The following LRIG1 variants were observed in gnomAD, a reference collection of about 807,000 sequenced individuals.
LRIG1 encodes leucine rich repeats and immunoglobulin like domains 1.
In LRIG1, 48 loss-of-function variants were observed where a neutral mutation model predicts 99.2. The observed-to-expected ratio is 0.48, with a 90% CI of 0.38 to 0.62. The LOEUF is 0.62. Ranked by LOEUF, LRIG1 falls within the 20% of genes least tolerant of loss-of-function variation. LRIG1 has a pLI of 0.00. For missense variants in LRIG1, 1,646 were observed against 1,434.4 expected (o/e 1.15, Z -2.38); for synonymous variants, 772 against 596.1 (o/e 1.29, Z -4.30).
chr3:66,464,194 T>C (rs905179892), intron 1 of LRIG1, among the ~76,000 whole-genome samples: 12 of 152,234 alleles, frequency 7.9e-5, no homozygotes, highest in African/African-American at 2.9e-4. Flanking sequence ...TTTCTGGGTG[T>C]AAAGATACTG....
In LRIG1 at chr3:66,403,998, G is replaced by C. The variant is rs74884970; in HGVS notation, c.1160+1200C>G. Reference sequence around the variant, plus strand: ...GTTTGCCCCGTATGGGATAAAAAGGGGTCACGTATGGGTTAAAGGCTGGGG... The same window carrying C: ...GTTTGCCCCGTATGGGATAAAAAGGCGTCACGTATGGGTTAAAGGCTGGGG... On this transcript the variant is annotated intron_variant, in intron 9 of 18. Transcript: ENST00000273261. Among the ~76,000 whole-genome samples the C allele has an allele frequency of 5.3e-3, 802 of 152,284 alleles. 5 individuals are homozygous for C. The highest frequency in any genetic ancestry group is 0.018 in the African/African-American group (743 of 41,548).
chr3:66,419,030 G>T (rs934096071), intron 3 of LRIG1, among the ~76,000 whole-genome samples: 2 of 152,146 alleles, frequency 1.3e-5, no homozygotes, highest in African/African-American at 2.4e-5. Flanking sequence ...CCTTTATTAT[G>T]TAAAGTATGG....
At chr3:66,462,288 T>C in intron 2 of LRIG1, 150 bp downstream of exon 2, 1 of 642,670 alleles carries the variant, frequency 1.6e-6, no homozygotes, top group South Asian at 1.8e-5. Flanking sequence ...TAAGCAGGAG[T>C]AGAATTCATC....
intron 3 of LRIG1, among the ~76,000 whole-genome samples, chr3:66,428,382 T>C (rs1703049772): frequency 6.6e-6 from 1 of 152,110 alleles, no homozygotes; most frequent in South Asian, 2.1e-4. Context: ...ACATTAGGAA[T>C]ATAGCCTGGG....
intron 12 of LRIG1, among the ~76,000 whole-genome samples, chr3:66,393,146 A>C (rs192725001): frequency 6.6e-6 from 1 of 152,190 alleles, no homozygotes; most frequent in East Asian, 1.9e-4. Flanking sequence ...CTATGGCCAG[A>C]AAGTAGGAGA....
intron 3 of LRIG1, among the ~76,000 whole-genome samples, chr3:66,450,715 T>TTA (rs536840292): frequency 4.9e-4 from 74 of 152,308 alleles, no homozygotes; most frequent in African/African-American, 1.7e-3. Context: ...AGCAAACTAA[T>TTA]TATAAAACCA....
chr3:66,382,613 G>C (rs1701143927), intron 15 of LRIG1, among the ~76,000 whole-genome samples: 1 of 143,680 alleles, frequency 7.0e-6, no homozygotes, highest in African/African-American at 2.7e-5. Context: ...GCAGATGCCA[G>C]ACGCCACAAG....
chr3:66,382,996 C>T lies in LRIG1; in HGVS notation c.2477G>A (p.Ser826Asn). Residue 826 changes from serine (S) to asparagine (N), a missense_variant, in exon 15 of 19, where the codon AGT becomes AAT. By Grantham distance (46) the Ser-to-Asn change is conservative. Transcript: ENST00000273261. ...YQTRKKSEEY[S>N]VTNTDETVVP... ...CAGGGCCTGACCTGTGTTGGTGACA[C>T]TGTACTCTTCACTCTTCTTCCTGGT... The T allele has an allele frequency of 6.2e-7, 1 of 1,611,948 alleles. No homozygotes were observed. The highest frequency in any genetic ancestry group is 8.5e-7 in the Non-Finnish European group (1 of 1,178,566).
Position 66,407,621 on chromosome 3 carries a change from GTGCA to G in LRIG1, c.936-134_936-131del, listed in dbSNP as rs1042700465. ...CACAGATGCACACGCACGCGCGTGC[GTGCA>G]CACACACACCCACACCCACAGAATC... is the stretch of plus-strand genomic sequence containing the variant. On this transcript the variant is annotated intron_variant, in intron 7 of 18. Transcript: ENST00000273261. 10 of 924,892 alleles carry G rather than the reference GTGCA, an allele frequency of 1.1e-5. No individual in the cohort carries two copies. The African/African-American group carries it at 1.6e-4, about 14-fold the overall frequency. 57.3% of individuals were successfully genotyped at this position (924,892 alleles called of 1,614,324 possible).
intron 10 of LRIG1, 56 bp downstream of exon 10, chr3:66,398,914 C>T (rs1435156888): frequency 1.4e-6 from 2 of 1,475,824 alleles, no homozygotes; most frequent in South Asian, 1.1e-5. Context: ...AGCAGAACTC[C>T]CCGGCAGCCG....
chr3:66,384,393 G>T, intron 13 of LRIG1, 121 bp from the exon 14 acceptor site: 2 of 1,092,446 alleles, frequency 1.8e-6, no homozygotes, highest in Non-Finnish European at 2.7e-6. Flanking sequence ...TTCTCCCAAT[G>T]TCTGCCCAGG....
At chr3:66,445,524 C>T (rs995439197) in intron 3 of LRIG1, among the ~76,000 whole-genome samples, 1 of 152,002 alleles carries the variant, frequency 6.6e-6, no homozygotes, top group Admixed American at 6.6e-5. Context: ...AATCTCTACG[C>T]CCACCTCGAC....
intron 1 of LRIG1, among the ~76,000 whole-genome samples, chr3:66,467,674 T>G (rs1420127984): frequency 6.6e-6 from 1 of 152,274 alleles, no homozygotes; most frequent in Non-Finnish European, 1.5e-5. Flanking sequence ...ATTAGCTATA[T>G]TTCAAGTGTT....
intron 4 of LRIG1, among the ~76,000 whole-genome samples, chr3:66,415,909 G>T (rs973173337): frequency 6.6e-6 from 1 of 152,210 alleles, no homozygotes; most frequent in Non-Finnish European, 1.5e-5. Context: ...GTGAAAAGGA[G>T]AAAGACCAGA....
chr3:66,450,993 G>C (rs1211298326), intron 3 of LRIG1, among the ~76,000 whole-genome samples: 1 of 152,174 alleles, frequency 6.6e-6, no homozygotes, highest in Non-Finnish European at 1.5e-5. Flanking sequence ...TTCCCAATGG[G>C]TGCCTTCATG....
chr3:66,409,972 G>A, intron 7 of LRIG1, 157 bp downstream of exon 7: 1 of 669,172 alleles, frequency 1.5e-6, no homozygotes, highest in East Asian at 2.8e-5. Context: ...ATCGCTGAGG[G>A]TTCCACCCTG....
intron 1 of LRIG1, among the ~76,000 whole-genome samples, chr3:66,464,988 A>G (rs1207165639): frequency 6.6e-6 from 1 of 152,234 alleles, no homozygotes; most frequent in East Asian, 1.9e-4. Flanking sequence ...AGAGATGAAC[A>G]CACTTAGAAG....
chr3:66,467,919 G>C (rs1219022115), intron 1 of LRIG1, among the ~76,000 whole-genome samples: 1 of 152,196 alleles, frequency 6.6e-6, no homozygotes, highest in African/African-American at 2.4e-5. Flanking sequence ...TATGTAAAAG[G>C]CTGTGGTGAG....
At chr3:66,416,376 G>A (rs1702613635) in intron 4 of LRIG1, among the ~76,000 whole-genome samples, 1 of 152,134 alleles carries the variant, frequency 6.6e-6, no homozygotes, top group Non-Finnish European at 1.5e-5. Flanking sequence ...CCCTAAACCA[G>A]CCTTGCGAAT....
Sources: allele counts gnomAD v4.1 joint callset (sites outside exome capture counted in the v4.1 genomes callset), GRCh38; gene constraint gnomAD v4.1.1; transcripts MANE v1.5; gene names NCBI Gene and HGNC (gene_info 2026-07-23, HGNC 2026-07-21).